MERTK: variants seen among roughly 807,000 people sequenced by gnomAD.
MERTK encodes the protein MER proto-oncogene, tyrosine kinase.
MERTK carries 69 observed loss-of-function variants against 99.3 expected under a neutral mutation model. That is an observed-to-expected ratio of 0.70 (90% CI 0.57 to 0.85). The LOEUF (loss-of-function observed/expected upper bound fraction) is 0.85, where lower values mean the gene tolerates loss of function less well. Among genes scored for constraint, MERTK ranks in the 40% least tolerant of loss-of-function variants. The pLI, the probability that MERTK is intolerant of heterozygous loss-of-function variation, is 0.00. For missense variants in MERTK, 1,125 were observed against 1,249.4 expected (o/e 0.90, Z 1.50); for synonymous variants, 426 against 467.6 (o/e 0.91, Z 1.15).
At chr2:111,923,390 TG>T (rs984587688) in intron 1 of MERTK, among the ~76,000 whole-genome samples, 1 of 152,138 alleles carries the variant, frequency 6.6e-6, no homozygotes, top group African/African-American at 2.4e-5. Context: ...GCATGGTGAT[TG>T]GAAACACATG....
chr2:111,910,266 G>GTT (rs1215988440), intron 1 of MERTK, among the ~76,000 whole-genome samples: 14 of 69,894 alleles, frequency 2.0e-4, no homozygotes, highest in African/African-American at 8.2e-4. Flanking sequence ...CCCTGTCTCT[G>GTT]TTTTTTGTTT....
At chr2:112,008,325 C>G in intron 13 of MERTK, 58 bp from the exon 14 acceptor site, 2 of 1,310,984 alleles carry the variant, frequency 1.5e-6, no homozygotes, top group Non-Finnish European at 2.2e-6. Flanking sequence ...TGTTGCCCAC[C>G]CACTCCCCTT....
At chr2:111,906,559 G>A (rs2104661274) in intron 1 of MERTK, among the ~76,000 whole-genome samples, 1 of 152,326 alleles carries the variant, frequency 6.6e-6, no homozygotes, top group South Asian at 2.1e-4. Context: ...TCTCAGTGCG[G>A]TGATAAATAT....
chr2:111,905,272 T>C (rs557470782), intron 1 of MERTK, among the ~76,000 whole-genome samples: 41 of 152,044 alleles, frequency 2.7e-4, no homozygotes, highest in Admixed American at 1.8e-3. Flanking sequence ...ACATTTTCAC[T>C]CTCGGGGCCT....
intron 1 of MERTK, 134 bp from the exon 2 acceptor site, chr2:111,928,986 A>G: frequency 1.2e-6 from 1 of 854,282 alleles, no homozygotes; most frequent in Non-Finnish European, 1.9e-6. Context: ...GTGTGTGTTA[A>G]TGAATTCTGC....
intron 1 of MERTK, among the ~76,000 whole-genome samples, chr2:111,916,738 T>TTTTA (rs1410375471): frequency 3.3e-5 from 5 of 152,104 alleles, no homozygotes; most frequent in East Asian, 1.9e-4. Flanking sequence ...TTGAGATCAG[T>TTTTA]TTTATTTATT....
At chr2:111,928,216 CTTTTTTTTTTTTTTT>C (rs34872417) in intron 1 of MERTK, among the ~76,000 whole-genome samples, 138 of 84,872 alleles carry the variant, frequency 1.6e-3, no homozygotes, top group African/African-American at 5.6e-3. Flanking sequence ...CCATGAGCAG[CTTTTTTTTTTTTTTT>C]TTTTTTTTTT....
chr2:112,018,200 TATTA>T (rs775813782), intron 15 of MERTK, among the ~76,000 whole-genome samples: 22 of 152,366 alleles, frequency 1.4e-4, no homozygotes, highest in Admixed American at 6.5e-4. Context: ...TGAACTCATT[TATTA>T]ATTCTGCTAT....
chr2:111,926,944 C>T (rs1294883022), intron 1 of MERTK, among the ~76,000 whole-genome samples: 1 of 152,178 alleles, frequency 6.6e-6, no homozygotes, highest in African/African-American at 2.4e-5. Flanking sequence ...GGCAATGGTC[C>T]CTGTCTGTTG....
intron 4 of MERTK, among the ~76,000 whole-genome samples, chr2:111,962,588 C>T (rs1265248658): frequency 6.6e-6 from 1 of 152,034 alleles, no homozygotes; most frequent in Non-Finnish European, 1.5e-5. Flanking sequence ...TAAACCCCAC[C>T]CCCACTTTCC....
chr2:111,898,725 G>A lies in MERTK; in HGVS notation c.-11G>A. 6.2e-7 allele frequency: 1 copy of A among 1,604,768 alleles called. No homozygotes were observed. Among genetic ancestry groups the A allele is most frequent in the Non-Finnish European group, 8.5e-7 (1 of 1,176,214 alleles). ...CCGTCCGGAGAGAAATTACAGATCC[G>A]CAGCCCCGGGATGGGGCCGGCCCCG... is the stretch of plus-strand genomic sequence containing the variant. On this transcript the variant is annotated 5_prime_UTR_variant, in exon 1 of 19. Transcript: ENST00000295408.
chr2:112,028,851 A>G lies in MERTK; in HGVS notation c.2987A>G (p.Glu996Gly). ...GCTGACGACTCCTCAGAAGGCTCAGAAGTCCTGATGTGAGGAGAGGTGCGG... is the reference window on the plus strand; with the variant it reads ...GCTGACGACTCCTCAGAAGGCTCAGGAGTCCTGATGTGAGGAGAGGTGCGG... ...LFADDSSEGSEVLM is the reference protein window; with the variant it reads ...LFADDSSEGSGVLM Residue 996 changes from glutamate (E) to glycine (G), a missense_variant, in exon 19 of 19, where the codon GAA (glutamate) becomes GGA (glycine). Coordinates refer to ENST00000295408, the MANE Select transcript of MERTK (RefSeq NM_006343.3). 1 of 1,613,940 alleles carries G rather than the reference A, an allele frequency of 6.2e-7. No homozygotes were observed. The highest frequency in any genetic ancestry group is 1.1e-5 in the South Asian group (1 of 91,088).
rs775958675 is a variant in MERTK, at chr2:112,003,104, G to A, written c.1703G>A (p.Gly568Glu). 1.5e-5 allele frequency: 24 copies of A among 1,557,870 alleles called. No individual in the cohort carries two copies. The highest frequency in any genetic ancestry group is 2.0e-5 in the Non-Finnish European group (23 of 1,129,172). The stretch of plus-strand genomic sequence containing the variant: ...ACTCCTTTTTCAGTACATAGCTTGG[G>A]AGTCAGTGAGGAACTACAAAATAAA... The part of the protein sequence containing the change: ...RAIELTLHSL[G>E]VSEELQNKLE... Residue 568 changes from glycine to glutamate, a missense_variant, in exon 12 of 19, where the codon GGA becomes GAA. Coordinates refer to ENST00000295408, the MANE Select transcript of MERTK (RefSeq NM_006343.3).
At chr2:111,916,235 C>T (rs1034611331) in intron 1 of MERTK, among the ~76,000 whole-genome samples, 6 of 152,248 alleles carry the variant, frequency 3.9e-5, no homozygotes, top group African/African-American at 1.2e-4. Context: ...CAAGCAATTC[C>T]GCCCACCTTG....
rs80350193 is a variant in MERTK, at chr2:112,022,323, G to C, written c.2415G>C (p.Gln805His). The C allele has an allele frequency of 3.7e-5, 59 of 1,614,220 alleles. No homozygotes were observed. The highest frequency in any genetic ancestry group is 5.0e-5 in the Non-Finnish European group (59 of 1,180,052). Residue 805 changes from glutamine (Q) to histidine (H), a missense_variant, in exon 18 of 19, where the codon CAG becomes CAC. Physicochemically the swap from Gln to His is conservative, Grantham distance 24 (BLOSUM62 0). Coordinates refer to ENST00000295408, the MANE Select transcript of MERTK (RefSeq NM_006343.3). ...TRGMTPYPGV[Q>H]NHEMYDYLLH... ...GAATGACTCCCTATCCTGGGGTCCAGAACCATGAGATGTATGACTATCTTC... is the reference window on the plus strand; with the variant it reads ...GAATGACTCCCTATCCTGGGGTCCACAACCATGAGATGTATGACTATCTTC...
At chr2:111,936,289 A>C (rs1298485050) in intron 2 of MERTK, among the ~76,000 whole-genome samples, 2 of 152,204 alleles carry the variant, frequency 1.3e-5, no homozygotes, top group Non-Finnish European at 2.9e-5. Context: ...TTATATTATG[A>C]ACATTTCTGT....
chr2:111,955,034 G>A (rs1322862964), intron 4 of MERTK, among the ~76,000 whole-genome samples: 1 of 152,020 alleles, frequency 6.6e-6, no homozygotes, highest in African/African-American at 2.4e-5. Context: ...CAGAGTAGCT[G>A]CCCCTGACAT....
chr2:111,917,883 T>TAA (rs11443176), intron 1 of MERTK, among the ~76,000 whole-genome samples: 170 of 141,660 alleles, frequency 1.2e-3, no homozygotes, highest in Middle Eastern at 7.6e-3. Context: ...GACTCTGTCT[T>TAA]AAAAAAAAAA....
intron 13 of MERTK, among the ~76,000 whole-genome samples, chr2:112,007,644 T>C (rs575674439): frequency 1.6e-4 from 25 of 152,286 alleles, no homozygotes; most frequent in African/African-American, 5.1e-4. Context: ...CTTAGCATAA[T>C]ACAGAATTTT....
Sources: gnomAD v4.1 joint callset for allele counts (sites outside exome capture counted in the v4.1 genomes callset) on GRCh38, gnomAD v4.1.1 for gene constraint, MANE v1.5 for transcripts, NCBI Gene and HGNC (gene_info 2026-07-23, HGNC 2026-07-21) for gene names.